The following ZFHX4 variants were observed in gnomAD, a reference collection of about 807,000 sequenced individuals.
The protein encoded by ZFHX4 is zinc finger homeobox 4, also known as zinc finger homeobox protein 4.
Under a neutral mutation model 267.6 loss-of-function variants are expected in ZFHX4, and 56 were observed. The observed-to-expected ratio is 0.21, with a 90% CI of 0.17 to 0.26. The LOEUF is 0.26. ZFHX4 is among the 10% of genes least tolerant of loss of function. ZFHX4 has a pLI of 1.00. For synonymous variants in ZFHX4, 1,778 were observed against 1,665.6 expected (o/e 1.07, Z -1.64); for missense variants, 4,332 against 4,420.0 (o/e 0.98, Z 0.56).
chr8:76,775,760 T>C (rs982512064), intron 3 of ZFHX4, among the ~76,000 whole-genome samples: 14 of 152,314 alleles, frequency 9.2e-5, no homozygotes, highest in Admixed American at 3.3e-4. Flanking sequence ...CTTTTGTTTT[T>C]GTGCATTGTT....
intron 1 of ZFHX4, among the ~76,000 whole-genome samples, chr8:76,688,679 T>G (rs1330348351): frequency 6.6e-6 from 1 of 152,112 alleles, no homozygotes; most frequent in East Asian, 1.9e-4. Context: ...TGAAGACTCT[T>G]TCAAAGATCG....
Position 76,864,025 on chromosome 8 carries a change from G to C in ZFHX4, c.10311G>C (p.Glu3437Asp). ...YFGQPLIDPQ[E>D]TVLRVPVSKY... ...GTCAGCCTTTGATTGACCCACAAGA[G>C]ACAGTGCTTCGTGTCCCAGTCAGCA... is the stretch of plus-strand genomic sequence containing the variant. The change falls in exon 11 of 11, where the codon GAG (glutamate) becomes GAC (aspartate). Residue 3437 changes from glutamate (E) to aspartate (D), a missense_variant. Glu to Asp is a conservative substitution (Grantham distance 45, BLOSUM62 2). This residue lies in a region of ZFHX4 where 1,648 missense variants were observed against 1,625.0 expected (regional missense o/e 1.01). Coordinates refer to ENST00000651372, the MANE Select transcript of ZFHX4 (RefSeq NM_024721.5). 1 of 1,613,862 alleles carries C rather than the reference G, an allele frequency of 6.2e-7. No individual in the cohort carries two copies. Among genetic ancestry groups the C allele is most frequent in the Non-Finnish European group, 8.5e-7 (1 of 1,179,860 alleles).
Position 76,742,422 on chromosome 8 carries a change from T to C in ZFHX4, c.3093+34374T>C, listed in dbSNP as rs1182852106. Among the ~76,000 whole-genome samples the C allele has an allele frequency of 2.0e-5, 3 of 152,206 alleles. No individual in the cohort carries two copies. The East Asian group carries it at 5.8e-4, about 29-fold the overall frequency. ...TAGCATCCAGGAACCTTACGTTTAATTACTAACTCCTGCCATGTTCACTGA... is the reference window on the plus strand; with the variant it reads ...TAGCATCCAGGAACCTTACGTTTAACTACTAACTCCTGCCATGTTCACTGA... On this transcript the variant is annotated intron_variant, in intron 3 of 10. Transcript: ENST00000651372.
At chr8:76,790,757 T>C (rs1810814933) in intron 4 of ZFHX4, among the ~76,000 whole-genome samples, 1 of 152,108 alleles carries the variant, frequency 6.6e-6, no homozygotes, top group African/African-American at 2.4e-5. Flanking sequence ...GTGTGTGTAA[T>C]GTAAAGGACA....
chr8:76,744,131 A>G (rs1039737819), intron 3 of ZFHX4, among the ~76,000 whole-genome samples: 1 of 152,024 alleles, frequency 6.6e-6, no homozygotes, highest in African/African-American at 2.4e-5. Context: ...GGATCACCTG[A>G]GGTTAGGAGT....
intron 4 of ZFHX4, among the ~76,000 whole-genome samples, chr8:76,786,188 G>T (rs557604331): frequency 6.6e-6 from 1 of 151,884 alleles, no homozygotes; most frequent in Non-Finnish European, 1.5e-5. Flanking sequence ...AAATTAACAC[G>T]CTATAGAGAA....
At chr8:76,838,930 C>T (rs1347946624) in intron 5 of ZFHX4, among the ~76,000 whole-genome samples, 1 of 151,964 alleles carries the variant, frequency 6.6e-6, no homozygotes, top group Non-Finnish European at 1.5e-5. Flanking sequence ...TGGTGCATGC[C>T]TGTGGTCCCA....
At chr8:76,685,079 A>G (rs2053031896) in intron 1 of ZFHX4, among the ~76,000 whole-genome samples, 1 of 152,204 alleles carries the variant, frequency 6.6e-6, no homozygotes, top group Admixed American at 6.5e-5. Flanking sequence ...CTGAGGTTTT[A>G]CAATTATTTC....
chr8:76,700,401 A>G (rs2131597846), intron 1 of ZFHX4, among the ~76,000 whole-genome samples: 1 of 152,248 alleles, frequency 6.6e-6, no homozygotes, highest in South Asian at 2.1e-4. Context: ...GGACCGTAGA[A>G]GAGGGCTGGG....
chr8:76,730,609 G>T (rs1456856231), intron 3 of ZFHX4, among the ~76,000 whole-genome samples: 3 of 152,112 alleles, frequency 2.0e-5, no homozygotes, highest in Non-Finnish European at 4.4e-5. Context: ...TGAGGCATGA[G>T]AATCGATTGA....
chr8:76,789,218 A>T (rs1810772828), intron 4 of ZFHX4, among the ~76,000 whole-genome samples: 1 of 152,128 alleles, frequency 6.6e-6, no homozygotes, highest in Non-Finnish European at 1.5e-5. Context: ...GCACCAACAG[A>T]CTGTTTTGAC....
At chr8:76,829,050 A>G (rs139700808) in intron 4 of ZFHX4, among the ~76,000 whole-genome samples, 267 of 152,258 alleles carry the variant, frequency 1.8e-3, no homozygotes, top group African/African-American at 6.0e-3. Context: ...ACATATATCC[A>G]TTATTTTAAA....
At chr8:76,790,248 G>T (rs531043967) in intron 4 of ZFHX4, among the ~76,000 whole-genome samples, 1 of 152,164 alleles carries the variant, frequency 6.6e-6, no homozygotes, top group Non-Finnish European at 1.5e-5. Context: ...TACTTTAAAC[G>T]TATTAATTCC....
intron 4 of ZFHX4, among the ~76,000 whole-genome samples, chr8:76,832,011 G>A (rs895704020): frequency 1.0e-4 from 15 of 143,048 alleles, no homozygotes; most frequent in Non-Finnish European, 1.8e-4. Flanking sequence ...GTGGGGGGGG[G>A]CACTGAGTGT....
chr8:76,830,278 T>C (rs1811900726), intron 4 of ZFHX4, among the ~76,000 whole-genome samples: 2 of 152,200 alleles, frequency 1.3e-5, no homozygotes, highest in African/African-American at 4.8e-5. Context: ...AAATGTGTGA[T>C]TATCACCAAA....
intron 3 of ZFHX4, among the ~76,000 whole-genome samples, chr8:76,750,956 G>A (rs775960575): frequency 3.9e-5 from 6 of 152,052 alleles, no homozygotes; most frequent in Non-Finnish European, 5.9e-5. Flanking sequence ...CTTAAAAAAC[G>A]CAGGAGCTGA....
intron 3 of ZFHX4, among the ~76,000 whole-genome samples, chr8:76,768,137 C>T (rs535130786): frequency 7.2e-4 from 109 of 152,018 alleles, no homozygotes; most frequent in Middle Eastern, 3.4e-3. Context: ...AGATTGTGAA[C>T]GAAGGCATGT....
chr8:76,843,406 C>T (rs530552262), intron 6 of ZFHX4, among the ~76,000 whole-genome samples: 25 of 152,216 alleles, frequency 1.6e-4, no homozygotes, highest in African/African-American at 5.5e-4. Flanking sequence ...ATAGACAAAT[C>T]CCAGTAATGA....
chr8:76,803,822 CAA>C (rs1461738623), intron 4 of ZFHX4, among the ~76,000 whole-genome samples: 3 of 152,040 alleles, frequency 2.0e-5, no homozygotes, highest in African/African-American at 7.2e-5. Flanking sequence ...CCCATTTTGA[CAA>C]TACACCAATA....
Sources: allele counts gnomAD v4.1 joint callset (sites outside exome capture counted in the v4.1 genomes callset), GRCh38; gene constraint gnomAD v4.1.1; regional missense constraint gnomAD v4.1.1; transcripts MANE v1.5; gene names NCBI Gene and HGNC (gene_info 2026-07-23, HGNC 2026-07-21).